The following PRKG2 variants were observed in gnomAD, a reference collection of about 807,000 sequenced individuals.
PRKG2 encodes the protein protein kinase cGMP-dependent 2.
Under a neutral mutation model 97.2 loss-of-function variants are expected in PRKG2, and 33 were observed. The observed-to-expected ratio is 0.34, with a 90% CI of 0.26 to 0.45. The LOEUF (loss-of-function observed/expected upper bound fraction) is 0.45. PRKG2 is among the 20% of genes least tolerant of loss of function. The pLI is 1.00. For missense variants in PRKG2, 638 were observed against 900.0 expected (o/e 0.71, Z 3.73); for synonymous variants, 330 against 321.8 (o/e 1.03, Z -0.27).
intron 2 of PRKG2, among the ~76,000 whole-genome samples, chr4:81,184,765 A>G (rs994673173): frequency 1.3e-5 from 2 of 152,204 alleles, no homozygotes; most frequent in African/African-American, 2.4e-5. Context: ...AGGAATTGCT[A>G]ACTAGAATAA....
At chr4:81,141,311 T>C (rs1327709820) in intron 11 of PRKG2, among the ~76,000 whole-genome samples, 1 of 152,184 alleles carries the variant, frequency 6.6e-6, no homozygotes, top group African/African-American at 2.4e-5. Flanking sequence ...GCACCCAGCC[T>C]AAGCTCTATA....
intron 2 of PRKG2, among the ~76,000 whole-genome samples, chr4:81,191,025 C>A (rs890039717): frequency 1.3e-5 from 2 of 152,036 alleles, no homozygotes; most frequent in Admixed American, 6.6e-5. Context: ...GACAGTGTGG[C>A]GATTCCTCAA....
chr4:81,198,923 A>G (rs1041454617), intron 2 of PRKG2, among the ~76,000 whole-genome samples: 1 of 152,204 alleles, frequency 6.6e-6, no homozygotes, highest in African/African-American at 2.4e-5. Context: ...TTCACCAGAT[A>G]TATCACCCAG....
intron 14 of PRKG2, among the ~76,000 whole-genome samples, chr4:81,132,326 C>T (rs1342666396): frequency 2.6e-5 from 4 of 152,092 alleles, no homozygotes; most frequent in Non-Finnish European, 4.4e-5. Flanking sequence ...TAAAAATTCA[C>T]ATTGCAAATA....
At chr4:81,138,818 A>C (rs1222504465) in intron 12 of PRKG2, among the ~76,000 whole-genome samples, 1 of 152,190 alleles carries the variant, frequency 6.6e-6, no homozygotes, top group South Asian at 2.1e-4. Context: ...TTAACAAAAT[A>C]TTAATTTTAA....
Position 81,105,818 on chromosome 4 carries a change from A to G in PRKG2, c.2058T>C (p.Leu686=), listed in dbSNP as rs755692123. 3 of 1,613,798 alleles carry G rather than the reference A, an allele frequency of 1.9e-6. No homozygotes were observed. Among genetic ancestry groups the G allele is most frequent in the Non-Finnish European group, 2.5e-6 (3 of 1,179,750 alleles). Residue 686 remains leucine (L), a synonymous_variant, in exon 16 of 19, where the codon CTT becomes CTC. Transcript: ENST00000264399. ...TTACTGACTGTCATTCTCACCTGCA[A>G]AGCCTCCGAATCAAATCCTCAGGTC... The part of the protein sequence containing the change: ...TRRPEDLIRR[L]CRQNPTERLG...
At chr4:81,162,225 G>A (rs191374197) in intron 6 of PRKG2, among the ~76,000 whole-genome samples, 9 of 152,182 alleles carry the variant, frequency 5.9e-5, no homozygotes, top group African/African-American at 2.2e-4. Context: ...CCAGGTACCC[G>A]GTGACTGTTA....
intron 8 of PRKG2, among the ~76,000 whole-genome samples, chr4:81,151,645 G>A (rs1056651056): frequency 6.6e-6 from 1 of 151,914 alleles, no homozygotes; most frequent in African/African-American, 2.4e-5. Context: ...TTCAAATGTT[G>A]GGAATATAAA....
At chr4:81,203,602 A>G (rs1334041038) in intron 2 of PRKG2, among the ~76,000 whole-genome samples, 2 of 152,204 alleles carry the variant, frequency 1.3e-5, no homozygotes, top group Admixed American at 6.5e-5. Flanking sequence ...ATTTCAATTA[A>G]TAAATACTCA....
intron 2 of PRKG2, among the ~76,000 whole-genome samples, chr4:81,181,031 G>A (rs1751365374): frequency 7.6e-6 from 1 of 131,176 alleles, no homozygotes; most frequent in Non-Finnish European, 1.5e-5. Flanking sequence ...TCCCCTTCCT[G>A]TGTCCATGTG....
At position 81,188,093 on chromosome 4, in the gene PRKG2, A is replaced by G. The variant is rs532009898; in HGVS notation, c.462-13134T>C. Among the ~76,000 whole-genome samples the G allele has an allele frequency of 2.6e-5, 4 of 152,230 alleles. No individual in the cohort carries two copies. In the South Asian group the frequency reaches 6.2e-4, roughly 24 times the overall value. Reference sequence around the variant, plus strand: ...CATCAGAGTGAACAGGCAACCTACAAAATGGGAGAAAATTTTTGCAACCTA... The same window carrying G: ...CATCAGAGTGAACAGGCAACCTACAGAATGGGAGAAAATTTTTGCAACCTA... On this transcript the variant is annotated intron_variant, in intron 2 of 18. Transcript: ENST00000264399.
intron 6 of PRKG2, among the ~76,000 whole-genome samples, chr4:81,156,526 C>G (rs1749114154): frequency 6.6e-6 from 1 of 152,054 alleles, no homozygotes; most frequent in African/African-American, 2.4e-5. Flanking sequence ...ATCAACGAGA[C>G]AGAAAGTCAA....
intron 2 of PRKG2, among the ~76,000 whole-genome samples, chr4:81,202,734 T>A (rs1483174144): frequency 6.6e-6 from 1 of 151,878 alleles, no homozygotes; most frequent in Non-Finnish European, 1.5e-5. Context: ...ACTACTGATT[T>A]TTTTTTTGCC....
chr4:81,121,888 A>C (rs1213801030), intron 14 of PRKG2, among the ~76,000 whole-genome samples: 3 of 152,244 alleles, frequency 2.0e-5, no homozygotes, highest in Non-Finnish European at 4.4e-5. Context: ...ATAGACAGGC[A>C]GATAGATGAC....
At chr4:81,149,066 A>G (rs762874642) in intron 8 of PRKG2, 114 bp from the exon 9 acceptor site, 176 of 944,826 alleles carry the variant, frequency 1.9e-4, no homozygotes, top group Non-Finnish European at 2.6e-4. Context: ...TACACCTCCC[A>G]AAAACTGCTG....
intron 17 of PRKG2, among the ~76,000 whole-genome samples, chr4:81,095,556 A>G (rs1488996288): frequency 6.6e-6 from 1 of 152,238 alleles, no homozygotes; most frequent in Non-Finnish European, 1.5e-5. Flanking sequence ...TGTTGCTTAC[A>G]GAGTACTTGT....
rs180831710 is a variant in PRKG2, at chr4:81,110,450, G to T, written c.1938C>A (p.Gly646=). ...GCATAAAACTTGAAGGTACATACTT[G>T]CCCGTTAGGAGCTCATACACTAGAA... ...LGILVYELLT[G]NPPFSGVDQM... The change falls in exon 15 of 19, where the codon GGC becomes GGA. Residue 646 remains glycine, a splice_region_variant and synonymous_variant. Coordinates refer to ENST00000264399, the MANE Select transcript of PRKG2 (RefSeq NM_006259.3). 6.2e-7 allele frequency: 1 copy of T among 1,611,246 alleles called. No individual in the cohort carries two copies. The highest frequency in any genetic ancestry group is 2.2e-5 in the East Asian group (1 of 44,820).
chr4:81,105,941 TAGAG>T lies in PRKG2; in HGVS notation c.1941-10_1941-7del, dbSNP rs569602525. ...CAACCCCAGAAAAGGGTGGGCTAGA[TAGAG>T]AAAATCCAGAACAGGACACATTAAT... On this transcript the variant is annotated splice_region_variant and splice_polypyrimidine_tract_variant and intron_variant, in intron 15 of 18. Coordinates refer to ENST00000264399, the MANE Select transcript of PRKG2 (RefSeq NM_006259.3). 652 of 1,613,216 alleles carry T rather than the reference TAGAG, an allele frequency of 4.0e-4. 10 individuals are homozygous for T. In the South Asian group the frequency reaches 4.3e-3, roughly 11 times the overall value.
chr4:81,089,666 T>TC lies in PRKG2; in HGVS notation c.*41dup, dbSNP rs1318007647. The stretch of plus-strand genomic sequence containing the variant: ...TGTGTTGGATTATTGATCCTTGAGG[T>TC]CCTCTTCTGTAGAGTACAGGCAGTA... On this transcript the variant is annotated 3_prime_UTR_variant, in exon 19 of 19. Transcript: ENST00000264399. The TC allele has an allele frequency of 7.3e-7, 1 of 1,367,512 alleles. No homozygotes were observed. Among genetic ancestry groups the TC allele is most frequent in the Admixed American group, 1.8e-5 (1 of 55,340 alleles). 84.7% of individuals were successfully genotyped at this position (1,367,512 alleles called of 1,614,324 possible). A position where few individuals can be genotyped will look rare whatever the true frequency, so the allele number is the denominator to read the frequency against.
Sources: gnomAD v4.1 joint callset for allele counts (sites outside exome capture counted in the v4.1 genomes callset) on GRCh38, gnomAD v4.1.1 for gene constraint, MANE v1.5 for transcripts, NCBI Gene and HGNC (gene_info 2026-07-23, HGNC 2026-07-21) for gene names.